The following AGBL3 variants were observed in gnomAD, a reference collection of about 807,000 sequenced individuals.
The protein encoded by AGBL3 is cytosolic carboxypeptidase 3.
A neutral mutation model predicts 94.5 loss-of-function variants in AGBL3; 68 were observed. The ratio of observed to expected loss-of-function variants is 0.72; its 90% CI spans 0.59 to 0.88. The LOEUF (loss-of-function observed/expected upper bound fraction) is 0.88, where lower values mean the gene tolerates loss of function less well. Among genes scored for constraint, AGBL3 ranks in the 40% least tolerant of loss-of-function variants. The probability of loss-of-function intolerance (pLI) is 0.00; values close to 1 mark genes in which losing one functional copy is unlikely to be tolerated. For missense variants in AGBL3, 934 were observed against 1,103.8 expected (o/e 0.85, Z 2.18); for synonymous variants, 354 against 370.7 (o/e 0.95, Z 0.52).
chr7:135,038,884 A>C (rs1157702099), intron 8 of AGBL3, among the ~76,000 whole-genome samples: 1 of 151,948 alleles, frequency 6.6e-6, no homozygotes, highest in Non-Finnish European at 1.5e-5. Context: ...GTGTGAACCC[A>C]GGAGGCGGAG....
In AGBL3 at chr7:134,993,548, T is replaced by C; in HGVS notation, c.180T>C (p.Tyr60=). 6.4e-7 allele frequency: 1 copy of C among 1,551,660 alleles called. No individual in the cohort carries two copies. Among genetic ancestry groups the C allele is most frequent in the Non-Finnish European group, 8.7e-7 (1 of 1,146,934 alleles). ...GGACTACACAGATACTATTAGAATA[T>C]CAGCTAGGGAGATGGGTGCCACGTC... ...FPRTTQILLE[Y]QLGRWVPRLR... The change falls in exon 4 of 17, where the codon TAT becomes TAC. Residue 60 remains tyrosine, a synonymous_variant. Coordinates refer to ENST00000436302, the MANE Select transcript of AGBL3 (RefSeq NM_178563.4).
At chr7:135,129,269 T>G (rs1828390254) in intron 16 of AGBL3, 1 of 1,526,168 alleles carries the variant, frequency 6.6e-7, no homozygotes, top group South Asian at 1.1e-5. Flanking sequence ...GCTGCAATTT[T>G]GCCTTCTGTA....
chr7:135,008,952 G>A (rs764036541), intron 4 of AGBL3, among the ~76,000 whole-genome samples: 7 of 152,136 alleles, frequency 4.6e-5, no homozygotes, highest in Non-Finnish European at 1.0e-4. Flanking sequence ...ACCCCCACTA[G>A]GATGACTAGA....
intron 5 of AGBL3, among the ~76,000 whole-genome samples, chr7:135,031,958 C>G (rs1815789013): frequency 6.6e-6 from 1 of 152,172 alleles, no homozygotes; most frequent in Non-Finnish European, 1.5e-5. Flanking sequence ...GAGGTTCTCT[C>G]TCTATGTAGC....
At chr7:135,131,441 A>G (rs1828755338) in intron 16 of AGBL3, among the ~76,000 whole-genome samples, 1 of 137,608 alleles carries the variant, frequency 7.3e-6, no homozygotes, top group Non-Finnish European at 1.6e-5. Context: ...TTTTAGAAGA[A>G]ATAAAGGAAA....
intron 5 of AGBL3, among the ~76,000 whole-genome samples, chr7:135,028,482 CTT>C (rs1236121626): frequency 6.6e-6 from 1 of 152,222 alleles, no homozygotes; most frequent in East Asian, 1.9e-4. Flanking sequence ...AGAAGCAACT[CTT>C]TATCCAATTC....
At chr7:135,090,261 A>G (rs1821663399) in intron 15 of AGBL3, among the ~76,000 whole-genome samples, 1 of 152,100 alleles carries the variant, frequency 6.6e-6, no homozygotes, top group African/African-American at 2.4e-5. Context: ...AGTGTGGTGA[A>G]CTACAGCTGT....
chr7:135,009,704 G>A (rs939185004), intron 4 of AGBL3, among the ~76,000 whole-genome samples: 1 of 152,058 alleles, frequency 6.6e-6, no homozygotes, highest in African/African-American at 2.4e-5. Flanking sequence ...GCACCTGGTG[G>A]GATTCCCAGA....
chr7:135,117,493 C>T lies in AGBL3; in HGVS notation c.2342+1882C>T, dbSNP rs543432310. On this transcript the variant is annotated intron_variant, in intron 16 of 16. Transcript: ENST00000436302. ...TAGACCAATGTCTAAAATGGTTTAG[C>T]AAAGTGTGATCTTCTCATTCTTTGC... Among the ~76,000 whole-genome samples, 13 of 152,286 alleles carry T rather than the reference C, an allele frequency of 8.5e-5. No homozygotes were observed. In the South Asian group the frequency reaches 2.5e-3, roughly 29 times the overall value.
intron 11 of AGBL3, among the ~76,000 whole-genome samples, chr7:135,046,344 T>C (rs530325448): frequency 1.5e-3 from 222 of 152,230 alleles, no homozygotes; most frequent in Admixed American, 2.6e-3. Flanking sequence ...CCAAAGTCCA[T>C]TGGATATATT....
At chr7:135,036,700 T>C (rs770308848) in intron 7 of AGBL3, among the ~76,000 whole-genome samples, 10 of 152,096 alleles carry the variant, frequency 6.6e-5, no homozygotes, top group Non-Finnish European at 1.2e-4. Flanking sequence ...CTTGACAAAT[T>C]AGAAAGGAAG....
intron 12 of AGBL3, 126 bp downstream of exon 12, chr7:135,059,361 T>C: frequency 1.9e-6 from 1 of 530,866 alleles, no homozygotes; most frequent in Admixed American, 4.0e-5. Flanking sequence ...TTTCTAACTA[T>C]GTAGATATTT....
chr7:135,008,836 A>G (rs1426125602), intron 4 of AGBL3, among the ~76,000 whole-genome samples: 1 of 152,182 alleles, frequency 6.6e-6, no homozygotes, highest in Non-Finnish European at 1.5e-5. Context: ...CTAAATAAAC[A>G]TTTCTCCAAA....
intron 15 of AGBL3, among the ~76,000 whole-genome samples, chr7:135,102,932 A>G (rs1824072416): frequency 1.3e-5 from 2 of 152,216 alleles, no homozygotes; most frequent in South Asian, 2.1e-4. Flanking sequence ...AATGAACTTC[A>G]TCAAAATCAT....
At chr7:135,115,710 C>T in intron 16 of AGBL3, 99 bp downstream of exon 16, 3 of 1,011,784 alleles carry the variant, frequency 3.0e-6, no homozygotes, top group Non-Finnish European at 4.2e-6. Context: ...AAAATCTGCT[C>T]TTGAAAATGA....
intron 16 of AGBL3, among the ~76,000 whole-genome samples, chr7:135,131,083 G>A (rs1828693790): frequency 6.6e-6 from 1 of 152,070 alleles, no homozygotes; most frequent in African/African-American, 2.4e-5. Context: ...CAAAGAGGAT[G>A]CTTAATCTTA....
At chr7:135,024,059 G>C (rs1814814504) in intron 5 of AGBL3, among the ~76,000 whole-genome samples, 1 of 152,164 alleles carries the variant, frequency 6.6e-6, no homozygotes, top group South Asian at 2.1e-4. Flanking sequence ...AGAGAGGTGA[G>C]ACATGCAAGC....
intron 15 of AGBL3, among the ~76,000 whole-genome samples, chr7:135,087,553 C>T (rs182637140): frequency 6.6e-6 from 1 of 151,982 alleles, no homozygotes; most frequent in African/African-American, 2.4e-5. Context: ...GGTTTCAATA[C>T]ATTTTTTAAT....
intron 15 of AGBL3, among the ~76,000 whole-genome samples, chr7:135,111,724 C>T (rs1390344698): frequency 1.3e-5 from 2 of 152,114 alleles, no homozygotes; most frequent in Non-Finnish European, 2.9e-5. Flanking sequence ...GAAGAGGAGC[C>T]CATGTAGGAC....
Sources: allele counts gnomAD v4.1 joint callset (sites outside exome capture counted in the v4.1 genomes callset), GRCh38; gene constraint gnomAD v4.1.1; transcripts MANE v1.5; gene names NCBI Gene and HGNC (gene_info 2026-07-23, HGNC 2026-07-21).